The following HYCC2 variants were observed in gnomAD, a reference collection of about 807,000 sequenced individuals.
HYCC2 encodes hyccin 2.
chr2:200,993,142 G>A, the HYCC2 span: 1 of 597,868 alleles, frequency 1.7e-6, no homozygotes, highest in Middle Eastern at 3.3e-4. Context: ...CATCGTTCTG[G>A]GCCTAGGCAT....
At chr2:200,997,907 A>C in the HYCC2 span, among the ~76,000 whole-genome samples, 1 of 152,150 alleles carries the variant, frequency 6.6e-6, no homozygotes, top group African/African-American at 2.4e-5. Context: ...GTGGTGGCAC[A>C]TGCCTGTAGT....
chr2:200,991,156 T>C, the HYCC2 span, among the ~76,000 whole-genome samples: 1 of 152,234 alleles, frequency 6.6e-6, no homozygotes. Flanking sequence ...GTGCCCTGCA[T>C]ATATTAATTT....
chr2:200,991,591 C>G, the HYCC2 span, among the ~76,000 whole-genome samples: 1 of 150,086 alleles, frequency 6.7e-6, no homozygotes, highest in Non-Finnish European at 1.5e-5. Flanking sequence ...AAGAAAAAAT[C>G]ACCTGGGCAT....
the HYCC2 span, among the ~76,000 whole-genome samples, chr2:201,036,940 A>T: frequency 2.6e-5 from 4 of 152,202 alleles, no homozygotes; most frequent in Non-Finnish European, 5.9e-5. Flanking sequence ...CAACTAGGAA[A>T]AGAGGAAGTC....
At chr2:201,024,835 G>T in the HYCC2 span, among the ~76,000 whole-genome samples, 1 of 152,188 alleles carries the variant, frequency 6.6e-6, no homozygotes, top group Admixed American at 6.6e-5. Context: ...TGGAAAAACA[G>T]CTGGGCACAG....
the HYCC2 span, among the ~76,000 whole-genome samples, chr2:201,020,633 G>A: frequency 6.6e-6 from 1 of 152,188 alleles, no homozygotes; most frequent in African/African-American, 2.4e-5. Context: ...GGTAGCTAGA[G>A]AAGACAGAAT....
the HYCC2 span, chr2:201,017,144 C>T: frequency 6.2e-7 from 1 of 1,613,440 alleles, no homozygotes. Flanking sequence ...AGAGCTCAAA[C>T]AGCTGATGGC....
the HYCC2 span, among the ~76,000 whole-genome samples, chr2:201,027,409 T>C: frequency 1.7e-3 from 253 of 152,288 alleles, no homozygotes; most frequent in African/African-American, 4.9e-3. Context: ...GCACCATTCC[T>C]TCTAAAACTA....
At chr2:201,046,459 C>G in the HYCC2 span, among the ~76,000 whole-genome samples, 1 of 152,028 alleles carries the variant, frequency 6.6e-6, no homozygotes. Context: ...AAGGGAGTAT[C>G]TCTGGAAAGA....
At chr2:201,064,053 T>C in the HYCC2 span, 1 of 1,589,248 alleles carries the variant, frequency 6.3e-7, no homozygotes, top group South Asian at 1.1e-5. Flanking sequence ...AGATTTTAAT[T>C]AGGAAACAAA....
At chr2:201,023,811 G>T in the HYCC2 span, 2 of 563,170 alleles carry the variant, frequency 3.6e-6, no homozygotes, top group Non-Finnish European at 3.2e-6. Flanking sequence ...ACAGAAACAC[G>T]TTATTTTGTA....
At chr2:201,065,174 T>C in the HYCC2 span, among the ~76,000 whole-genome samples, 1 of 152,242 alleles carries the variant, frequency 6.6e-6, no homozygotes, top group African/African-American at 2.4e-5. Context: ...TCTCTATCTC[T>C]TTATTTTTAG....
chr2:201,044,032 G>GT, the HYCC2 span, among the ~76,000 whole-genome samples: 1 of 152,028 alleles, frequency 6.6e-6, no homozygotes, highest in Non-Finnish European at 1.5e-5. Flanking sequence ...CAACCTTTCT[G>GT]TTTATCTAAC....
At chr2:201,065,529 G>T in the HYCC2 span, among the ~76,000 whole-genome samples, 2 of 152,234 alleles carry the variant, frequency 1.3e-5, 1 homozygote, top group Non-Finnish European at 2.9e-5. Context: ...GCGGAGCTAG[G>T]ATTCTAATCT....
the HYCC2 span, among the ~76,000 whole-genome samples, chr2:200,992,542 T>A: frequency 6.6e-6 from 1 of 152,250 alleles, no homozygotes; most frequent in Non-Finnish European, 1.5e-5. Flanking sequence ...AAACAGATTT[T>A]AAATATTATG....
At chr2:201,014,903 A>G in the HYCC2 span, among the ~76,000 whole-genome samples, 1 of 152,230 alleles carries the variant, frequency 6.6e-6, no homozygotes, top group Non-Finnish European at 1.5e-5. Flanking sequence ...AAAATAGAAT[A>G]ATAATGTTTA....
At chr2:200,986,250 AAGGGAACAG>A in the HYCC2 span, among the ~76,000 whole-genome samples, 3 of 152,250 alleles carry the variant, frequency 2.0e-5, no homozygotes, top group Non-Finnish European at 4.4e-5. Flanking sequence ...GTAAATGGGC[AAGGGAACAG>A]AGGGTAGATT....
At chr2:201,009,199 A>G in the HYCC2 span, 188 of 548,396 alleles carry the variant, frequency 3.4e-4, no homozygotes, top group Non-Finnish European at 7.5e-5. Flanking sequence ...TGGATCATTT[A>G]TTCTTCTCAT....
At chr2:201,060,060 G>A in the HYCC2 span, among the ~76,000 whole-genome samples, 23 of 145,270 alleles carry the variant, frequency 1.6e-4, no homozygotes, top group Admixed American at 1.4e-3. Context: ...AAAGCGGGGG[G>A]GGGGGGGTTC....
Sources: gnomAD v4.1 joint callset for allele counts (sites outside exome capture counted in the v4.1 genomes callset) on GRCh38, gnomAD v4.1.1 for gene constraint, MANE v1.5 for transcripts, NCBI Gene and HGNC (gene_info 2026-07-23, HGNC 2026-07-21) for gene names.